The following ARHGAP21 variants were observed in gnomAD, a reference collection of about 807,000 sequenced individuals.
The protein encoded by ARHGAP21 is rho GTPase-activating protein 21.
ARHGAP21 carries 38 observed loss-of-function variants against 164.6 expected under a neutral mutation model. That is an observed-to-expected ratio of 0.23 (90% CI 0.18 to 0.30). The LOEUF is 0.30. Ranked by LOEUF, ARHGAP21 falls within the 10% of genes least tolerant of loss-of-function variation. ARHGAP21 has a pLI of 1.00. For synonymous variants in ARHGAP21, 766 were observed against 857.9 expected, an observed-to-expected ratio of 0.89 and a Z score of 1.87; for missense variants, 1,822 against 2,370.7, an observed-to-expected ratio of 0.77 and a Z score of 4.81.
At chr10:24,623,813 T>C (rs1398916782) in intron 7 of ARHGAP21, among the ~76,000 whole-genome samples, 1 of 152,246 alleles carries the variant, frequency 6.6e-6, no homozygotes, top group African/African-American at 2.4e-5. Flanking sequence ...AAGGAAAATA[T>C]AAACTTATTC....
chr10:24,699,317 A>AATT (rs998968827), intron 2 of ARHGAP21, among the ~76,000 whole-genome samples: 46 of 151,450 alleles, frequency 3.0e-4, no homozygotes, highest in Admixed American at 1.3e-3. Flanking sequence ...ACATCTTTAG[A>AATT]ATTATTATTA....
At chr10:24,666,733 T>C (rs571230744) in intron 4 of ARHGAP21, among the ~76,000 whole-genome samples, 9 of 152,306 alleles carry the variant, frequency 5.9e-5, no homozygotes, top group African/African-American at 2.2e-4. Flanking sequence ...GGAATTATAA[T>C]GATATATTCC....
At chr10:24,635,232 G>A (rs887549794) in intron 4 of ARHGAP21, 129 bp from the exon 5 acceptor site, 10 of 542,624 alleles carry the variant, frequency 1.8e-5, no homozygotes, top group Admixed American at 3.7e-5. Context: ...TCCTGAATTT[G>A]GATGCTAAAA....
At chr10:24,600,342 A>G (rs186958194) in intron 14 of ARHGAP21, among the ~76,000 whole-genome samples, 1 of 152,262 alleles carries the variant, frequency 6.6e-6, no homozygotes, top group Non-Finnish European at 1.5e-5. Context: ...TGTCTTTGAA[A>G]GATGGAAATG....
rs191509188 is a variant in ARHGAP21, at chr10:24,615,980, G to A, written c.2422+3493C>T. Reference sequence around the variant, plus strand: ...TTTTGTAGAGATGGAGTTTCACTGTGTTGGCCAGGCTGGTCTTGAACTCCC... The same window carrying A: ...TTTTGTAGAGATGGAGTTTCACTGTATTGGCCAGGCTGGTCTTGAACTCCC... On this transcript the variant is annotated intron_variant, in intron 9 of 25. Transcript: ENST00000396432. Among the ~76,000 whole-genome samples, 30 of 152,182 alleles carry A rather than the reference G, an allele frequency of 2.0e-4. 1 individual carries two copies. Among genetic ancestry groups the A allele is most frequent in the Admixed American group, 9.2e-4 (14 of 15,272 alleles).
chr10:24,720,254 C>CA (rs55746821), intron 2 of ARHGAP21, among the ~76,000 whole-genome samples: 40,825 of 133,726 alleles, frequency 0.31, 6,379 homozygotes, highest in African/African-American at 0.38. Context: ...CTTAAATGAC[C>CA]AAAAAAAAAA....
chr10:24,672,050 C>A (rs1359164864), intron 2 of ARHGAP21, among the ~76,000 whole-genome samples: 6 of 151,940 alleles, frequency 3.9e-5, no homozygotes, highest in African/African-American at 1.2e-4. Flanking sequence ...CTTGATCACA[C>A]ACAACCCTCT....
chr10:24,595,678 A>T, intron 19 of ARHGAP21, 39 bp downstream of exon 19: 2 of 1,567,986 alleles, frequency 1.3e-6, no homozygotes, highest in Non-Finnish European at 1.7e-6. Flanking sequence ...TTGTAACTTG[A>T]ACCATTTCAT....
At chr10:24,677,657 G>T (rs1193776363) in intron 2 of ARHGAP21, among the ~76,000 whole-genome samples, 2 of 152,164 alleles carry the variant, frequency 1.3e-5, no homozygotes, top group East Asian at 3.9e-4. Context: ...TGATTAGGTA[G>T]CGTTTATAGG....
At chr10:24,672,994 GAC>G (rs1277918736) in intron 2 of ARHGAP21, among the ~76,000 whole-genome samples, 8 of 152,142 alleles carry the variant, frequency 5.3e-5, no homozygotes. Flanking sequence ...GGATAAATCT[GAC>G]AAAAGATTTG....
At chr10:24,665,256 A>G (rs1396292376) in intron 4 of ARHGAP21, among the ~76,000 whole-genome samples, 1 of 152,008 alleles carries the variant, frequency 6.6e-6, no homozygotes, top group Non-Finnish European at 1.5e-5. Flanking sequence ...ACCAGTGACA[A>G]CTATGAAGAG....
At chr10:24,704,471 T>TC in intron 2 of ARHGAP21, among the ~76,000 whole-genome samples, 1 of 149,690 alleles carries the variant, frequency 6.7e-6, no homozygotes, top group Non-Finnish European at 1.5e-5. Context: ...TTCTATTTTT[T>TC]TTTTTCTTTT....
chr10:24,662,513 T>C (rs1262276837), intron 4 of ARHGAP21, among the ~76,000 whole-genome samples: 1 of 152,176 alleles, frequency 6.6e-6, no homozygotes, highest in African/African-American at 2.4e-5. Flanking sequence ...AAAATATGTA[T>C]TATGATGCCT....
At chr10:24,592,144 C>G in intron 21 of ARHGAP21, 132 bp from the exon 22 acceptor site, 2 of 695,656 alleles carry the variant, frequency 2.9e-6, no homozygotes, top group Non-Finnish European at 2.0e-6. Flanking sequence ...AAAAATAATG[C>G]TTTCTAGCAA....
chr10:24,660,655 G>C (rs1400156218), intron 4 of ARHGAP21, among the ~76,000 whole-genome samples: 2 of 152,010 alleles, frequency 1.3e-5, no homozygotes, highest in Admixed American at 6.6e-5. Context: ...ATTATGTTTT[G>C]TAATATCCAG....
chr10:24,655,314 A>G (rs915658921), intron 4 of ARHGAP21, among the ~76,000 whole-genome samples: 2 of 152,228 alleles, frequency 1.3e-5, no homozygotes, highest in African/African-American at 4.8e-5. Flanking sequence ...AAAAGAAACT[A>G]CCATCAGAGT....
At chr10:24,607,944 T>C (rs1477617294) in intron 9 of ARHGAP21, 41 bp from the exon 10 acceptor site, 2 of 1,531,952 alleles carry the variant, frequency 1.3e-6, no homozygotes, top group Non-Finnish European at 1.8e-6. Flanking sequence ...AATGACCTAA[T>C]TGTTATTAAT....
intron 4 of ARHGAP21, among the ~76,000 whole-genome samples, chr10:24,646,132 T>A (rs1836589590): frequency 6.6e-6 from 1 of 152,192 alleles, no homozygotes; most frequent in African/African-American, 2.4e-5. Flanking sequence ...TTCTATTCTG[T>A]TTTTATAGCA....
intron 4 of ARHGAP21, among the ~76,000 whole-genome samples, chr10:24,645,745 G>A (rs936732837): frequency 4.6e-5 from 7 of 152,170 alleles, no homozygotes; most frequent in Non-Finnish European, 1.5e-5. Context: ...TATGTGCCAG[G>A]AACTGTTCTG....
Sources: gnomAD v4.1 joint callset for allele counts (sites outside exome capture counted in the v4.1 genomes callset) on GRCh38, gnomAD v4.1.1 for gene constraint, MANE v1.5 for transcripts, NCBI Gene and HGNC (gene_info 2026-07-23, HGNC 2026-07-21) for gene names.